The following PRH1 variants were observed in gnomAD, a reference collection of about 807,000 sequenced individuals.
PRH1 encodes salivary acidic proline-rich phosphoprotein 1/2.
PRH1 carries 7 observed loss-of-function variants against 7.9 expected under a neutral mutation model. The observed-to-expected ratio is 0.89, with a 90% CI of 0.50 to 1.67. The LOEUF (loss-of-function observed/expected upper bound fraction) is 1.67. PRH1 is among the 40% of genes most tolerant of loss of function. PRH1 has a pLI of 0.00. For missense variants in PRH1, 109 were observed against 223.6 expected, an observed-to-expected ratio of 0.49 and a Z score of 3.27; for synonymous variants, 45 against 80.8, an observed-to-expected ratio of 0.56 and a Z score of 2.38.
At chr12:10,971,628 A>G (rs1158414050) in intron 2 of PRH1, among the ~76,000 whole-genome samples, 1 of 152,160 alleles carries the variant, frequency 6.6e-6, no homozygotes, top group African/African-American at 2.4e-5. Context: ...GTGCTCCTTC[A>G]TCTTCATCAG....
At chr12:10,883,258 G>A (rs968532246) in intron 1 of PRH1, among the ~76,000 whole-genome samples, 162 bp from the exon 2 acceptor site, 5 of 152,146 alleles carry the variant, frequency 3.3e-5, no homozygotes, top group Non-Finnish European at 7.3e-5. Flanking sequence ...AAGATGTAAG[G>A]GAAAGCAGTA....
intron 1 of PRH1, among the ~76,000 whole-genome samples, chr12:11,057,628 G>T (rs370188316): frequency 2.7e-5 from 4 of 147,882 alleles, no homozygotes; most frequent in African/African-American, 9.8e-5. Flanking sequence ...TTCTATAACC[G>T]GATTCACTTA....
intron 1 of PRH1, among the ~76,000 whole-genome samples, chr12:11,168,981 G>A (rs1592139517): frequency 6.6e-6 from 1 of 152,272 alleles, no homozygotes; most frequent in South Asian, 2.1e-4. Flanking sequence ...AAAAGGAAAC[G>A]TACTTTTTTT....
At chr12:11,020,492 T>A (rs1244792974) in intron 1 of PRH1, among the ~76,000 whole-genome samples, 1 of 151,868 alleles carries the variant, frequency 6.6e-6, no homozygotes, top group Non-Finnish European at 1.5e-5. Context: ...ACACCAAGAA[T>A]TAACACAGTC....
chr12:11,170,886 G>C (rs180791887), intron 1 of PRH1, among the ~76,000 whole-genome samples: 1 of 152,172 alleles, frequency 6.6e-6, no homozygotes, highest in East Asian at 1.9e-4. Context: ...TGCTTTTATT[G>C]GCGTAGGAAT....
At chr12:11,113,143 AAG>A (rs1381703526) in intron 1 of PRH1, among the ~76,000 whole-genome samples, 2 of 151,988 alleles carry the variant, frequency 1.3e-5, no homozygotes, top group African/African-American at 4.8e-5. Context: ...TCAAGGAAAT[AAG>A]AGAGGACACA....
rs1350713863 is a variant in PRH1, at chr12:11,084,784, T to C, written n.124-37596A>G. ...TAATGAATTACATATTTCATTTATT[T>C]ATTTATTTATTTATTCATATTCTTT... On this transcript the variant is annotated intron_variant and non_coding_transcript_variant, in intron 1 of 4. Transcript: ENST00000541977. Among the ~76,000 whole-genome samples, 2 of 115,334 alleles carry C rather than the reference T, an allele frequency of 1.7e-5. 1 individual carries two copies. Among genetic ancestry groups the C allele is most frequent in the African/African-American group, 5.8e-5 (2 of 34,562 alleles). 75.7% of individuals were successfully genotyped at this position (115,334 alleles called of 152,430 possible).
intron 1 of PRH1, among the ~76,000 whole-genome samples, chr12:10,974,949 A>G (rs894615789): frequency 5.9e-5 from 9 of 152,200 alleles, no homozygotes; most frequent in African/African-American, 1.9e-4. Context: ...TTAAAAAAGA[A>G]AAAAAAGTGT....
At chr12:10,924,620 C>T (rs1237425786) in intron 2 of PRH1, among the ~76,000 whole-genome samples, 2 of 152,178 alleles carry the variant, frequency 1.3e-5, no homozygotes, top group Non-Finnish European at 2.9e-5. Context: ...GGCTGTGATT[C>T]CGTCTGGTCC....
chr12:11,170,568 A>G (rs1421541341), intron 1 of PRH1, among the ~76,000 whole-genome samples: 1 of 152,154 alleles, frequency 6.6e-6, no homozygotes, highest in African/African-American at 2.4e-5. Context: ...ACAAAAAAAG[A>G]GTTTGGAAGT....
intron 2 of PRH1, among the ~76,000 whole-genome samples, chr12:10,940,404 A>T (rs75650813): frequency 0.018 from 2,748 of 152,310 alleles, 78 homozygotes; most frequent in African/African-American, 0.063. Flanking sequence ...ATACATGTAA[A>T]TATTCCGGAG....
chr12:10,997,843 A>C (rs1400427791), intron 1 of PRH1: 1 of 1,605,550 alleles, frequency 6.2e-7, no homozygotes, highest in Non-Finnish European at 8.5e-7. Context: ...CCACTACTAG[A>C]ATGGAAAAAA....
At chr12:11,152,866 C>T (rs1947141844) in intron 1 of PRH1, among the ~76,000 whole-genome samples, 1 of 152,196 alleles carries the variant, frequency 6.6e-6, no homozygotes, top group Non-Finnish European at 1.5e-5. Context: ...GCCACAGCTA[C>T]ACTTCAAGTA....
At chr12:10,922,326 C>A (rs1158399306) in intron 2 of PRH1, among the ~76,000 whole-genome samples, 1 of 152,260 alleles carries the variant, frequency 6.6e-6, no homozygotes, top group African/African-American at 2.4e-5. Context: ...GGATTCTTAG[C>A]TTTAGCCGGT....
chr12:10,996,950 G>A, intron 1 of PRH1: 1 of 1,601,694 alleles, frequency 6.2e-7, no homozygotes, highest in Admixed American at 1.7e-5. Flanking sequence ...GTGAATCTAT[G>A]GAGTTGACTG....
chr12:11,153,387 G>C (rs1947160927), intron 1 of PRH1, among the ~76,000 whole-genome samples: 2 of 152,108 alleles, frequency 1.3e-5, no homozygotes, highest in African/African-American at 4.8e-5. Context: ...AAATCATCTT[G>C]AAAATTGTAT....
At chr12:11,026,655 C>T (rs1941932497) in intron 1 of PRH1, among the ~76,000 whole-genome samples, 1 of 152,066 alleles carries the variant, frequency 6.6e-6, no homozygotes, top group African/African-American at 2.4e-5. Flanking sequence ...TTTCTATAAG[C>T]CGATTCACTA....
chr12:10,974,242 C>T (rs1476309562), intron 1 of PRH1, among the ~76,000 whole-genome samples: 4 of 152,196 alleles, frequency 2.6e-5, no homozygotes, highest in Non-Finnish European at 5.9e-5. Flanking sequence ...CATATAGAGG[C>T]TAGCAGCCTT....
At chr12:10,892,445 G>T (rs939395247) in intron 2 of PRH1, among the ~76,000 whole-genome samples, 1 of 152,124 alleles carries the variant, frequency 6.6e-6, no homozygotes, top group Non-Finnish European at 1.5e-5. Context: ...AGGTAAGGGG[G>T]ACAGGAGAAC....
Sources: gnomAD v4.1 joint callset for allele counts (sites outside exome capture counted in the v4.1 genomes callset) on GRCh38, gnomAD v4.1.1 for gene constraint, MANE v1.5 for transcripts, NCBI Gene and HGNC (gene_info 2026-07-23, HGNC 2026-07-21) for gene names.